Variants in CSTPP1 observed in about 807,000 individuals in gnomAD.
CSTPP1 encodes the protein UPF0705 protein C11orf49.
the CSTPP1 span, among the ~76,000 whole-genome samples, chr11:47,000,750 GT>G: frequency 0.016 from 2,498 of 152,266 alleles, 62 homozygotes; most frequent in African/African-American, 0.057. Context: ...TATGAACCTA[GT>G]GTTTTAATGA....
chr11:47,082,175 A>C, the CSTPP1 span, among the ~76,000 whole-genome samples: 3 of 151,352 alleles, frequency 2.0e-5, no homozygotes, highest in South Asian at 6.2e-4. Context: ...AAATACAAAA[A>C]ACAAAAACAC....
chr11:47,066,906 CTTTA>C, the CSTPP1 span, among the ~76,000 whole-genome samples: 1 of 152,224 alleles, frequency 6.6e-6, no homozygotes, highest in African/African-American at 2.4e-5. Flanking sequence ...TGTGTAGGGT[CTTTA>C]TTTAGAAGTT....
At chr11:47,038,125 G>T in the CSTPP1 span, among the ~76,000 whole-genome samples, 2 of 15,224 alleles carry the variant, frequency 1.3e-4, no homozygotes, top group African/African-American at 2.1e-4. Context: ...CCTCCCTCCC[G>T]GATGGGGCGG....
At chr11:47,008,031 G>T in the CSTPP1 span, among the ~76,000 whole-genome samples, 1 of 151,968 alleles carries the variant, frequency 6.6e-6, no homozygotes, top group Non-Finnish European at 1.5e-5. Context: ...GCAGTGGAAT[G>T]ATCTTGGCTC....
the CSTPP1 span, among the ~76,000 whole-genome samples, chr11:47,089,967 G>T: frequency 6.6e-6 from 1 of 152,086 alleles, no homozygotes; most frequent in Non-Finnish European, 1.5e-5. Context: ...ACAAATAAAT[G>T]GCTTTATACG....
chr11:47,074,783 T>A, the CSTPP1 span, among the ~76,000 whole-genome samples: 4 of 152,190 alleles, frequency 2.6e-5, no homozygotes. Context: ...TTTTCCTTAT[T>A]GAATTTGTGT....
At chr11:47,016,759 T>C in the CSTPP1 span, among the ~76,000 whole-genome samples, 1 of 152,024 alleles carries the variant, frequency 6.6e-6, no homozygotes, top group Non-Finnish European at 1.5e-5. Context: ...ATGTTCATTA[T>C]CTTGATTGTG....
chr11:47,158,090 G>C, the CSTPP1 span: 1 of 620,492 alleles, frequency 1.6e-6, no homozygotes, highest in South Asian at 1.9e-5. Flanking sequence ...ACAAAACATG[G>C]CTCTTACACA....
chr11:47,072,358 T>A, the CSTPP1 span, among the ~76,000 whole-genome samples: 5 of 152,236 alleles, frequency 3.3e-5, no homozygotes, highest in Admixed American at 2.6e-4. Context: ...ACAGAACCTT[T>A]AAAGCTGTAA....
the CSTPP1 span, among the ~76,000 whole-genome samples, chr11:46,966,985 T>G: frequency 1.3e-5 from 2 of 152,292 alleles, no homozygotes; most frequent in South Asian, 4.1e-4. Context: ...TTTTGCCTTC[T>G]CGGGGTGACC....
At chr11:47,104,203 G>A in the CSTPP1 span, among the ~76,000 whole-genome samples, 6 of 152,092 alleles carry the variant, frequency 3.9e-5, no homozygotes, top group Non-Finnish European at 7.4e-5. Flanking sequence ...ATTCCCTGCC[G>A]ATTGATTTCT....
the CSTPP1 span, among the ~76,000 whole-genome samples, chr11:47,080,281 C>A: frequency 6.6e-6 from 1 of 152,088 alleles, no homozygotes; most frequent in Non-Finnish European, 1.5e-5. Context: ...TGGTGAAACC[C>A]TGTCTCTACT....
At chr11:47,016,839 C>CTTTTTTT in the CSTPP1 span, among the ~76,000 whole-genome samples, 5 of 99,836 alleles carry the variant, frequency 5.0e-5, no homozygotes, top group Non-Finnish European at 5.7e-5. Context: ...TCATTTAGTA[C>CTTTTTTT]TTTTTTTTTT....
At chr11:47,023,030 TG>T in the CSTPP1 span, among the ~76,000 whole-genome samples, 1 of 152,298 alleles carries the variant, frequency 6.6e-6, no homozygotes, top group African/African-American at 2.4e-5. Context: ...AATCAGATTT[TG>T]TAGGTCTGGG....
the CSTPP1 span, among the ~76,000 whole-genome samples, chr11:47,152,225 G>T: frequency 6.6e-6 from 1 of 151,502 alleles, no homozygotes; most frequent in South Asian, 2.1e-4. Flanking sequence ...CTCCAGCCTG[G>T]GCAACAGAGC....
the CSTPP1 span, among the ~76,000 whole-genome samples, chr11:46,954,846 G>A: frequency 7.3e-6 from 1 of 136,270 alleles, no homozygotes; most frequent in South Asian, 2.4e-4. Flanking sequence ...TTTATTCATT[G>A]TATTTTCCCA....
chr11:47,096,026 A>G, the CSTPP1 span, among the ~76,000 whole-genome samples: 1 of 152,200 alleles, frequency 6.6e-6, no homozygotes, highest in Admixed American at 6.5e-5. Flanking sequence ...CAAGAAACCA[A>G]ATAGCCAGTC....
chr11:46,973,790 G>GTGTGTGTGTGTGTGTGTGTGTGTGTC, the CSTPP1 span, among the ~76,000 whole-genome samples: 1 of 151,744 alleles, frequency 6.6e-6, no homozygotes, highest in Admixed American at 6.6e-5. Context: ...ATGTGTGTGT[G>GTGTGTGTGTGTGTGTGTGTGTGTGTC]TGTGTGTGTC....
the CSTPP1 span, among the ~76,000 whole-genome samples, chr11:47,121,603 C>CT: frequency 1.7e-4 from 26 of 152,040 alleles, no homozygotes; most frequent in African/African-American, 6.3e-4. Context: ...ATTATTATCT[C>CT]TTTTTTACAG....
Sources: allele counts gnomAD v4.1 joint callset (sites outside exome capture counted in the v4.1 genomes callset), GRCh38; gene constraint gnomAD v4.1.1; transcripts MANE v1.5; gene names NCBI Gene and HGNC (gene_info 2026-07-23, HGNC 2026-07-21).